Variants in DIAPH2 observed in about 807,000 individuals in gnomAD.
DIAPH2 encodes diaphanous related formin 2.
Under a neutral mutation model 92.7 loss-of-function variants are expected in DIAPH2, and 35 were observed. The ratio of observed to expected loss-of-function variants is 0.38; its 90% confidence interval spans 0.29 to 0.50. The LOEUF (loss-of-function observed/expected upper bound fraction) is 0.50. Ranked by LOEUF, DIAPH2 falls within the 20% of genes least tolerant of loss-of-function variation. The pLI, the probability that DIAPH2 is intolerant of heterozygous loss-of-function variation, is 0.94. For missense variants in DIAPH2, 701 were observed against 819.5 expected (o/e 0.86, Z 1.77); for synonymous variants, 301 against 280.4 (o/e 1.07, Z -0.73).
chrX:97,369,133 C>G (rs1231312285), intron 24 of DIAPH2, among the ~76,000 whole-genome samples: 1 of 110,443 alleles, frequency 9.1e-6, no homozygotes, highest in African/African-American at 3.3e-5. Context: ...GTCTCGAACT[C>G]CCTACCTCAG....
At chrX:96,687,432 A>G (rs999406145) in intron 1 of DIAPH2, among the ~76,000 whole-genome samples, 1 of 109,269 alleles carries the variant, frequency 9.2e-6, no homozygotes, top group African/African-American at 3.4e-5. Context: ...AATGGAACAC[A>G]TATTTTCTTT....
intron 26 of DIAPH2, among the ~76,000 whole-genome samples, chrX:97,430,824 T>G (rs994804683): frequency 1.8e-5 from 2 of 112,197 alleles, no homozygotes; most frequent in African/African-American, 6.5e-5. Flanking sequence ...AGACAATATA[T>G]GTTATATTCA....
intron 23 of DIAPH2, among the ~76,000 whole-genome samples, chrX:97,323,903 CAA>C (rs1052365967): frequency 5.6e-4 from 22 of 39,185 alleles, no homozygotes; most frequent in Admixed American, 2.4e-3. Context: ...AACTCTGTCT[CAA>C]AAAAAAAAAA....
intron 17 of DIAPH2, among the ~76,000 whole-genome samples, chrX:96,984,312 T>C (rs1306976593): frequency 9.0e-6 from 1 of 111,411 alleles, no homozygotes; most frequent in African/African-American, 3.3e-5. Context: ...TGTTTAGAGA[T>C]CTTTTCAAAG....
chrX:97,558,115 A>C (rs771770123), intron 26 of DIAPH2, among the ~76,000 whole-genome samples: 7 of 112,113 alleles, frequency 6.2e-5, no homozygotes, highest in Non-Finnish European at 1.3e-4. Context: ...CCTAAGTAGC[A>C]GGAATTCAAA....
In DIAPH2 at chrX:97,327,668, G is replaced by A. The variant is rs1341498021; in HGVS notation, c.2845-20448G>A. Among the ~76,000 whole-genome samples, 3 of 112,142 alleles carry A rather than the reference G, an allele frequency of 2.7e-5. No homozygotes were observed. The Admixed American group carries it at 2.8e-4, about 11-fold the overall frequency. ...TTGGCCAGGCTGGGCTCGAACTCCT[G>A]ACCTCAGGTGATCCACCTGCCTTGG... On this transcript the variant is annotated intron_variant, in intron 23 of 26. Transcript: ENST00000324765.
At chrX:97,575,384 GTGTT>G (rs943662419) in intron 26 of DIAPH2, among the ~76,000 whole-genome samples, 1 of 112,360 alleles carries the variant, frequency 8.9e-6, no homozygotes, top group African/African-American at 3.2e-5. Context: ...CTCTTGGTGT[GTGTT>G]TGTCTCCAAA....
chrX:96,786,661 G>A (rs2064459002), intron 4 of DIAPH2, among the ~76,000 whole-genome samples: 1 of 111,141 alleles, frequency 9.0e-6, no homozygotes, highest in African/African-American at 3.3e-5. Context: ...ACCCCAAACT[G>A]AAACACCTCT....
chrX:97,415,036 G>T (rs1473472862), intron 25 of DIAPH2, among the ~76,000 whole-genome samples: 1 of 107,230 alleles, frequency 9.3e-6, no homozygotes, highest in African/African-American at 3.4e-5. Flanking sequence ...TCAAAAAGTG[G>T]GCAAAGGATA....
chrX:97,219,660 C>G (rs190344464), intron 22 of DIAPH2, among the ~76,000 whole-genome samples: 17 of 111,730 alleles, frequency 1.5e-4, no homozygotes, highest in Non-Finnish European at 2.8e-4. Context: ...ATTAAATACA[C>G]TAGCTTCACA....
intron 25 of DIAPH2, among the ~76,000 whole-genome samples, chrX:97,423,878 AT>A (rs200373364): frequency 0.03 from 3,378 of 111,598 alleles, 39 homozygotes; most frequent in Middle Eastern, 0.042. Flanking sequence ...CACATAAACA[AT>A]TTTTTTTCTT....
chrX:96,809,168 G>A (rs1040975171), intron 4 of DIAPH2, among the ~76,000 whole-genome samples: 6 of 110,376 alleles, frequency 5.4e-5, no homozygotes, highest in African/African-American at 1.6e-4. Context: ...TTTCCTCTCC[G>A]TCTTCTCTCC....
At chrX:96,793,112 G>C in intron 4 of DIAPH2, among the ~76,000 whole-genome samples, 1 of 112,098 alleles carries the variant, frequency 8.9e-6, no homozygotes, top group Admixed American at 9.4e-5. Flanking sequence ...GACTGATTTT[G>C]CTATATCATT....
At chrX:97,355,794 A>G in intron 24 of DIAPH2, among the ~76,000 whole-genome samples, 1 of 111,500 alleles carries the variant, frequency 9.0e-6, no homozygotes. Flanking sequence ...TTTACCCCTA[A>G]AAGTACACCT....
At chrX:97,269,762 T>A (rs536913640) in intron 23 of DIAPH2, among the ~76,000 whole-genome samples, 2 of 108,170 alleles carry the variant, frequency 1.8e-5, no homozygotes, top group East Asian at 5.8e-4. Flanking sequence ...TTTTTTTTTT[T>A]TTTTTTTGAG....
chrX:97,502,256 A>G (rs1436513372), intron 26 of DIAPH2, among the ~76,000 whole-genome samples: 3 of 112,402 alleles, frequency 2.7e-5, no homozygotes, highest in African/African-American at 9.7e-5. Flanking sequence ...GAAAATAATT[A>G]TGAGAATATT....
At chrX:97,400,490 CT>C (rs2069745279) in intron 25 of DIAPH2, among the ~76,000 whole-genome samples, 1 of 111,589 alleles carries the variant, frequency 9.0e-6, no homozygotes, top group Non-Finnish European at 1.9e-5. Context: ...TTAAATCAAT[CT>C]AATTAACATA....
At chrX:97,372,612 A>T (rs1376195093) in intron 24 of DIAPH2, among the ~76,000 whole-genome samples, 2 of 111,721 alleles carry the variant, frequency 1.8e-5, no homozygotes, top group African/African-American at 6.5e-5. Flanking sequence ...AAACTCAAGG[A>T]CTTTTTGTAT....
intron 22 of DIAPH2, among the ~76,000 whole-genome samples, chrX:97,197,658 A>G (rs1480087794): frequency 8.9e-6 from 1 of 112,126 alleles, no homozygotes; most frequent in Non-Finnish European, 1.9e-5. Context: ...CTTGCTTACT[A>G]TAGATGACAT....
Sources: allele counts gnomAD v4.1 joint callset (sites outside exome capture counted in the v4.1 genomes callset), GRCh38; gene constraint gnomAD v4.1.1; transcripts MANE v1.5; gene names NCBI Gene and HGNC (gene_info 2026-07-23, HGNC 2026-07-21).